The following NALF1 variants were observed in gnomAD, a reference collection of about 807,000 sequenced individuals.
NALF1 encodes family with sequence similarity 155 member A.
A neutral mutation model predicts 48.4 loss-of-function variants in NALF1; 3 were observed. That is an observed-to-expected ratio of 0.06 (90% CI 0.03 to 0.16). The LOEUF is 0.16. Ranked by LOEUF, NALF1 falls within the 10% of genes least tolerant of loss-of-function variation. NALF1 has a pLI of 1.00. For synonymous variants in NALF1, 262 were observed against 245.7 expected (o/e 1.07, Z -0.62); for missense variants, 526 against 571.5 (o/e 0.92, Z 0.81).
chr13:107,208,446 A>C (rs2138802192), intron 2 of NALF1, among the ~76,000 whole-genome samples: 1 of 152,322 alleles, frequency 6.6e-6, no homozygotes, highest in Middle Eastern at 3.4e-3. Flanking sequence ...TGGCATTCTG[A>C]ATGTGTATGG....
chr13:107,850,487 G>A (rs953746955), intron 1 of NALF1, among the ~76,000 whole-genome samples: 14 of 152,096 alleles, frequency 9.2e-5, no homozygotes, highest in Non-Finnish European at 1.8e-4. Flanking sequence ...ACGAAAAGCC[G>A]AATCATGGCC....
chr13:107,389,031 C>A (rs1045431971), intron 1 of NALF1, among the ~76,000 whole-genome samples: 1 of 152,168 alleles, frequency 6.6e-6, no homozygotes, highest in African/African-American at 2.4e-5. Context: ...ATAAAATAGT[C>A]GCCGCACTGA....
At chr13:107,359,577 G>T (rs1337184009) in intron 1 of NALF1, among the ~76,000 whole-genome samples, 1 of 151,402 alleles carries the variant, frequency 6.6e-6, no homozygotes, top group Non-Finnish European at 1.5e-5. Context: ...TAAAAGTTTT[G>T]TTTCCCTTTC....
At position 107,866,320 on chromosome 13, in the gene NALF1, G is replaced by GCCT; in HGVS notation, c.276_277insAGG (p.Gln92_Gln93insArg). ...GGCTCCTGCTGCCGCCGCTGCTGCT[G>GCCT]CTGCTGCTGCCGCTGCCTCTGCTGC... On this transcript the variant is annotated inframe_insertion, in exon 1 of 3. Transcript: ENST00000375915. This position sits in a 1 kb window ranked among gnomAD's most constrained non-coding sequence, Gnocchi z 4.4. 6.2e-7 allele frequency: 1 copy of GCCT among 1,608,832 alleles called. No individual in the cohort carries two copies. Among genetic ancestry groups the GCCT allele is most frequent in the Non-Finnish European group, 8.5e-7 (1 of 1,178,982 alleles).
chr13:107,661,983 T>G (rs1423332527), intron 1 of NALF1, among the ~76,000 whole-genome samples: 2 of 152,290 alleles, frequency 1.3e-5, no homozygotes, highest in African/African-American at 4.8e-5. Flanking sequence ...TATGAGGATG[T>G]TATTAACACT....
intron 1 of NALF1, among the ~76,000 whole-genome samples, chr13:107,808,681 A>C (rs1454385433): frequency 6.7e-6 from 1 of 150,352 alleles, no homozygotes; most frequent in Non-Finnish European, 1.5e-5. Context: ...AAAAAAAAAA[A>C]AAAATGACTG....
At chr13:107,769,371 T>G (rs1302289815) in intron 1 of NALF1, among the ~76,000 whole-genome samples, 1 of 147,586 alleles carries the variant, frequency 6.8e-6, no homozygotes, top group Non-Finnish European at 1.5e-5. Context: ...TAAAAAATGA[T>G]GAGTTCATGT....
chr13:107,570,559 C>A (rs566977667), intron 1 of NALF1, among the ~76,000 whole-genome samples: 2 of 126,820 alleles, frequency 1.6e-5, no homozygotes, highest in African/African-American at 2.8e-5. Flanking sequence ...TTATTTTTTT[C>A]TTTTATTTAT....
chr13:107,708,060 T>C (rs1170752273), intron 1 of NALF1, among the ~76,000 whole-genome samples: 1 of 144,242 alleles, frequency 6.9e-6, no homozygotes, highest in Non-Finnish European at 1.5e-5. Context: ...AAATAATAAA[T>C]ACAGTCAATT....
chr13:107,578,975 T>C (rs1878226839), intron 1 of NALF1, among the ~76,000 whole-genome samples: 1 of 152,204 alleles, frequency 6.6e-6, no homozygotes, highest in Non-Finnish European at 1.5e-5. Context: ...TTCTACCATA[T>C]TCCTTCTCAA....
chr13:107,580,594 A>G (rs752975858), intron 1 of NALF1, among the ~76,000 whole-genome samples: 2 of 152,082 alleles, frequency 1.3e-5, no homozygotes, highest in Non-Finnish European at 2.9e-5. Context: ...GGTATGTCAG[A>G]TTTTTGACTC....
chr13:107,354,669 C>T (rs903968769), intron 1 of NALF1, among the ~76,000 whole-genome samples: 1 of 152,152 alleles, frequency 6.6e-6, no homozygotes, highest in Admixed American at 6.5e-5. Flanking sequence ...AGAATAAGTA[C>T]TTTTTTAGAA....
intron 1 of NALF1, among the ~76,000 whole-genome samples, chr13:107,307,349 TTTAA>T (rs1212971210): frequency 6.6e-6 from 1 of 152,082 alleles, no homozygotes; most frequent in Non-Finnish European, 1.5e-5. Context: ...AAAGTTATAG[TTTAA>T]TTGACTACCA....
At chr13:107,665,855 C>T (rs906744853) in intron 1 of NALF1, among the ~76,000 whole-genome samples, 1 of 152,056 alleles carries the variant, frequency 6.6e-6, no homozygotes, top group Non-Finnish European at 1.5e-5. Flanking sequence ...GGTCAAGACA[C>T]CTTTGTAAGT....
At chr13:107,831,261 A>C (rs868781833) in intron 1 of NALF1, among the ~76,000 whole-genome samples, 20 of 152,314 alleles carry the variant, frequency 1.3e-4, no homozygotes, top group Admixed American at 5.9e-4. Context: ...GATTACATTG[A>C]CTATTGCTAA....
intron 1 of NALF1, among the ~76,000 whole-genome samples, chr13:107,270,573 A>C (rs1277784871): frequency 6.6e-6 from 1 of 151,986 alleles, no homozygotes; most frequent in African/African-American, 2.4e-5. Context: ...ATAAAACTAA[A>C]TTATTTTGAT....
At chr13:107,722,849 G>A (rs557874225) in intron 1 of NALF1, among the ~76,000 whole-genome samples, 1 of 152,296 alleles carries the variant, frequency 6.6e-6, no homozygotes, top group African/African-American at 2.4e-5. Flanking sequence ...ATGGGTTTCA[G>A]CGCGCACCTT....
At chr13:107,425,533 T>A (rs1044805858) in intron 1 of NALF1, among the ~76,000 whole-genome samples, 1 of 152,282 alleles carries the variant, frequency 6.6e-6, no homozygotes, top group East Asian at 1.9e-4. Context: ...CAAATGATGA[T>A]GTTGAATATT....
intron 1 of NALF1, among the ~76,000 whole-genome samples, chr13:107,557,610 ATT>A (rs1215054689): frequency 6.6e-6 from 1 of 152,012 alleles, no homozygotes; most frequent in Non-Finnish European, 1.5e-5. Context: ...GATAATGGTC[ATT>A]TCTCTTTGGA....
Sources: gnomAD v4.1 joint callset for allele counts (sites outside exome capture counted in the v4.1 genomes callset) on GRCh38, gnomAD v4.1.1 for gene constraint, Gnocchi (gnomAD v3.1) non-coding constraint, MANE v1.5 for transcripts, NCBI Gene and HGNC (gene_info 2026-07-23, HGNC 2026-07-21) for gene names.